Variants in PSG1 observed in about 807,000 individuals in gnomAD.
The protein encoded by PSG1 is pregnancy-specific beta-1-glycoprotein 1.
A neutral mutation model predicts 41.4 loss-of-function variants in PSG1; 60 were observed. That is an observed-to-expected ratio of 1.45 (90% CI 1.18 to 1.80). PSG1 has a LOEUF of 1.80. PSG1 is among the 40% of genes most tolerant of loss of function. PSG1 has a pLI of 0.00. For missense variants in PSG1, 806 were observed against 516.9 expected (o/e 1.56, Z -5.42); for synonymous variants, 256 against 192.9 (o/e 1.33, Z -2.71).
At position 42,879,552 on chromosome 19, in the gene PSG1, T is replaced by A. The variant is rs745536854; in HGVS notation, c.30A>T (p.Thr10=). The A allele has an allele frequency of 1.9e-6, 3 of 1,610,798 alleles. No homozygotes were observed. Among genetic ancestry groups the A allele is most frequent in the Admixed American group, 1.7e-5 (1 of 59,780 alleles). MGTLSAPPC[T]QRIKWKGLLL... is the part of the protein sequence containing the mutation. ...GGAGCCCCTTCCATTTGATGCGCTG[T>A]GTGCAGGGAGGGGCTGAGAGGGTTC... Residue 10 remains threonine (T), a synonymous_variant, in exon 1 of 6, where the codon ACA becomes ACT. Transcript: ENST00000436291.
Position 42,867,297 on chromosome 19 carries a change from T to G in PSG1, c.1244-147A>C, listed in dbSNP as rs368011054. On this transcript the variant is annotated intron_variant, in intron 5 of 5. Transcript: ENST00000436291. ...GATAATTTCAGTAGAATAAGTTTGT[T>G]TGCAAAATAGGTGGAGTTTCTTCAA... 1.0e-4 allele frequency: 67 copies of G among 665,114 alleles called. 4 individuals are homozygous for G. The highest frequency in any genetic ancestry group is 3.5e-4 in the Admixed American group (16 of 45,132). 41.2% of individuals were successfully genotyped at this position (665,114 alleles called of 1,614,324 possible).
rs368637930 is a variant in PSG1 at position 42,868,825 on chromosome 19, G to T, written c.919C>A (p.Pro307Thr). 3.3e-5 allele frequency: 53 copies of T among 1,611,716 alleles called. 3 individuals are homozygous for T. The highest frequency in any genetic ancestry group is 1.1e-4 in the African/African-American group (8 of 74,674). ...CGGTCCCGTATTTCACATTGATAGG[G>T]TCCTGTTTCATTTCTCGTGACACTG... is the stretch of plus-strand genomic sequence containing the variant. ...LPSVTRNETGPYQCEIRDRYG... is the reference protein window; with the variant it reads ...LPSVTRNETGTYQCEIRDRYG... The change falls in exon 4 of 6, where the codon CCC becomes ACC. Residue 307 changes from proline (P) to threonine (T), a missense_variant. By Grantham distance (38) the Pro-to-Thr change is conservative (BLOSUM62 -1). Coordinates refer to ENST00000436291, the MANE Select transcript of PSG1 (RefSeq NM_001184825.2).
At position 42,872,055 on chromosome 19, in the gene PSG1, A is replaced by T; in HGVS notation, c.431-10T>A. ...GGCTTAGGAGTCTCCACTGTGCAGA[A>T]AACAGGGTGAAGATTGCCGTGTGTG... On this transcript the variant is annotated splice_polypyrimidine_tract_variant and intron_variant, in intron 2 of 5. Transcript: ENST00000436291. 2 of 1,606,186 alleles carry T rather than the reference A, an allele frequency of 1.2e-6. No homozygotes were observed. The highest frequency in any genetic ancestry group is 1.7e-6 in the Non-Finnish European group (2 of 1,175,864).
chr19:42,878,116 T>C lies in PSG1; in HGVS notation c.227A>G (p.Tyr76Cys). The change falls in exon 2 of 6, where the codon TAC becomes TGC. Residue 76 changes from tyrosine (Y) to cysteine (C), a missense_variant. Physicochemically the swap from Tyr to Cys is radical, Grantham distance 194. Coordinates refer to ENST00000436291, the MANE Select transcript of PSG1 (RefSeq NM_001184825.2). Reference protein sequence around the residue: ...IWYKGQMRDLYHYITSYVVDG... With the variant: ...IWYKGQMRDLCHYITSYVVDG... ...TACTACATATGATGTAATGTAATGGTAGAGGTCCCTCATTTGCCCTTTGTA... is the reference window on the plus strand; with the variant it reads ...TACTACATATGATGTAATGTAATGGCAGAGGTCCCTCATTTGCCCTTTGTA... 2.5e-6 allele frequency: 4 copies of C among 1,612,244 alleles called. No homozygotes were observed. The highest frequency in any genetic ancestry group is 3.4e-6 in the Non-Finnish European group (4 of 1,179,154).
rs549511922 is a variant in PSG1, at chr19:42,878,369, C to G, written c.65-91G>C. 213 of 1,486,736 alleles carry G rather than the reference C, an allele frequency of 1.4e-4. 11 individuals carry two copies. The South Asian group carries it at 2.9e-3, about 20-fold the overall frequency. The allele number at this position is 1,486,736 out of a possible 1,614,324, so 92.1% of individuals were successfully genotyped here. ...TGGGTCCTGAGAAGGTCTCTTCAGT[C>G]CTCAGCCTTGACAACACAGACACAC... On this transcript the variant is annotated intron_variant, in intron 1 of 5. Coordinates refer to ENST00000436291, the MANE Select transcript of PSG1 (RefSeq NM_001184825.2).
Position 42,868,291 on chromosome 19 carries a change from G to C in PSG1, c.1053C>G (p.Tyr351Ter). Residue 351 changes from tyrosine to a stop codon, truncating the protein, a stop_gained, in exon 5 of 6, where the codon TAC (tyrosine) becomes TAG (stop). Coordinates refer to ENST00000436291, the MANE Select transcript of PSG1 (RefSeq NM_001184825.2). LOFTEE classifies it high-confidence loss of function. ...FTYYRSGEVL[Y>*]LSCSADSNPP... is the part of the protein sequence containing the mutation. ...GGTTAGAGTCCGCAGAACAGGACAA[G>C]TAGAGGACTTCTCCTGAACGGTAAT... 3 of 1,612,278 alleles carry C rather than the reference G, an allele frequency of 1.9e-6. No homozygotes were observed. Among genetic ancestry groups the C allele is most frequent in the Non-Finnish European group, 2.5e-6 (3 of 1,179,082 alleles).
rs1600492010 is a variant in PSG1 at position 42,869,191 on chromosome 19, C to G, written c.710-157G>C. On this transcript the variant is annotated intron_variant, in intron 3 of 5. Coordinates refer to ENST00000436291, the MANE Select transcript of PSG1 (RefSeq NM_001184825.2). ...TGTCACAAGATAGATGCATGATGATCTAAGGGCTCAAAGACTGTGAGGCCG... is the reference window on the plus strand; with the variant it reads ...TGTCACAAGATAGATGCATGATGATGTAAGGGCTCAAAGACTGTGAGGCCG... 3.1e-5 allele frequency: 46 copies of G among 1,464,568 alleles called. No homozygotes were observed. In the East Asian group the frequency reaches 9.8e-4, roughly 31 times the overall value. The allele number at this position is 1,464,568 out of a possible 1,614,324, so 90.7% of individuals were successfully genotyped here.
At chr19:42,871,107 C>G (rs1172607708) in intron 3 of PSG1, among the ~76,000 whole-genome samples, 5 of 151,754 alleles carry the variant, frequency 3.3e-5, no homozygotes, top group Middle Eastern at 3.4e-3. Flanking sequence ...GATCCACTTA[C>G]CAGGGACTAT....
In PSG1 at chr19:42,878,230, A is replaced by G. The variant is rs764972771; in HGVS notation, c.113T>C (p.Ile38Thr). 5.8e-5 allele frequency: 93 copies of G among 1,610,950 alleles called. 2 individuals carry two copies. The highest frequency in any genetic ancestry group is 1.1e-4 in the East Asian group (5 of 44,776). ...GGAAACTTTGGTTGGCTCGGCTTCA[A>G]TCGTGACTTGGGCAGTGGTGGGCAG... is the stretch of plus-strand genomic sequence containing the variant. ...WNLPTTAQVT[I>T]EAEPTKVSEG... Residue 38 changes from isoleucine (I) to threonine (T), a missense_variant, in exon 2 of 6, where the codon ATT (isoleucine) becomes ACT (threonine). Ile to Thr is a moderately conservative substitution (Grantham distance 89, BLOSUM62 -1). Transcript: ENST00000436291.
chr19:42,878,803 G>T (rs1191146935), intron 1 of PSG1, among the ~76,000 whole-genome samples: 1 of 150,946 alleles, frequency 6.6e-6, no homozygotes, highest in South Asian at 2.1e-4. Context: ...TGTGATCTTG[G>T]TTGCACCCCA....
At chr19:42,874,633 G>A (rs1383648851) in intron 2 of PSG1, among the ~76,000 whole-genome samples, 1 of 151,812 alleles carries the variant, frequency 6.6e-6, no homozygotes, top group Non-Finnish European at 1.5e-5. Flanking sequence ...GAGCCACTGT[G>A]CGCAGCCGTC....
intron 2 of PSG1, among the ~76,000 whole-genome samples, chr19:42,876,272 T>A (rs996718732): frequency 5.3e-5 from 8 of 151,280 alleles, no homozygotes; most frequent in Non-Finnish European, 8.9e-5. Flanking sequence ...GGAGACACTG[T>A]CTTCAGAAAC....
chr19:42,870,985 C>T lies in PSG1; in HGVS notation c.709+782G>A, dbSNP rs1469977633. On this transcript the variant is annotated intron_variant, in intron 3 of 5. Coordinates refer to ENST00000436291, the MANE Select transcript of PSG1 (RefSeq NM_001184825.2). ...AAAGCTGGTGGTTTTGGAGTAGAAACATATTCCCTGTCCTGGGTTTTTGAT... is the reference window on the plus strand; with the variant it reads ...AAAGCTGGTGGTTTTGGAGTAGAAATATATTCCCTGTCCTGGGTTTTTGAT... 3.3e-5 allele frequency among the ~76,000 whole-genome samples: 5 copies of T among 151,474 alleles called. 1 individual carries two copies. The highest frequency in any genetic ancestry group is 5.9e-5 in the Non-Finnish European group (4 of 67,870).
intron 3 of PSG1, chr19:42,869,990 T>A (rs1453535503): frequency 6.6e-6 from 1 of 151,696 alleles, no homozygotes; most frequent in Admixed American, 6.6e-5. Flanking sequence ...CATTCTACTC[T>A]CTGATTCCAT....
intron 2 of PSG1, 40 bp downstream of exon 2, chr19:42,877,873 C>T (rs1298072993): frequency 1.2e-6 from 2 of 1,611,778 alleles, no homozygotes; most frequent in Admixed American, 1.7e-5. Flanking sequence ...AGAAGTGACC[C>T]CTGTCCCCCA....
At position 42,866,970 on chromosome 19, in the gene PSG1, A is replaced by C; in HGVS notation, c.*164T>G. ...TTGAGCATCTGTTGTTATGGTGTCG[A>C]ATATTTTGGTGAGTTCTGAGTGGCT... On this transcript the variant is annotated 3_prime_UTR_variant, in exon 6 of 6. Coordinates refer to ENST00000436291, the MANE Select transcript of PSG1 (RefSeq NM_001184825.2). The C allele has an allele frequency of 1.3e-6, 1 of 759,608 alleles. No individual in the cohort carries two copies. 47.1% of individuals were successfully genotyped at this position (759,608 alleles called of 1,614,324 possible).
intron 2 of PSG1, among the ~76,000 whole-genome samples, chr19:42,877,067 T>A (rs1971638342): frequency 6.6e-6 from 1 of 151,650 alleles, no homozygotes; most frequent in African/African-American, 2.4e-5. Flanking sequence ...TGAATAAATG[T>A]TAAATTATTC....
chr19:42,878,517 C>T (rs1274434979), intron 1 of PSG1: 1 of 673,286 alleles, frequency 1.5e-6, no homozygotes, highest in Non-Finnish European at 2.2e-6. Context: ...CCCATTCCTT[C>T]AACACTTCTG....
intron 5 of PSG1, chr19:42,867,769 A>G: frequency 2.0e-6 from 2 of 984,304 alleles, no homozygotes; most frequent in Non-Finnish European, 3.2e-6. Flanking sequence ...AAAAGAGAAA[A>G]ATTCCATCAA....
Sources: gnomAD v4.1 joint callset for allele counts (sites outside exome capture counted in the v4.1 genomes callset) on GRCh38, gnomAD v4.1.1 for gene constraint, MANE v1.5 for transcripts, NCBI Gene and HGNC (gene_info 2026-07-23, HGNC 2026-07-21) for gene names.